The following BNC2 variants were observed in gnomAD, a reference collection of about 807,000 sequenced individuals.
BNC2 encodes the protein basonuclin zinc finger protein 2, also known as zinc finger protein basonuclin-2.
BNC2 carries 20 observed loss-of-function variants against 76.3 expected under a neutral mutation model. The ratio of observed to expected loss-of-function variants is 0.26; its 90% CI spans 0.18 to 0.38. The LOEUF (loss-of-function observed/expected upper bound fraction) is 0.38, where lower values mean the gene tolerates loss of function less well. Ranked by LOEUF, BNC2 falls within the 10% of genes least tolerant of loss-of-function variation. The probability of loss-of-function intolerance (pLI) is 1.00; values close to 1 mark genes in which losing one functional copy is unlikely to be tolerated. For synonymous variants in BNC2, 582 were observed against 514.8 expected, an observed-to-expected ratio of 1.13 and a Z score of -1.77; for missense variants, 1,382 against 1,399.8, an observed-to-expected ratio of 0.99 and a Z score of 0.20.
intron 3 of BNC2, among the ~76,000 whole-genome samples, chr9:16,656,711 C>G (rs1013963454): frequency 1.3e-5 from 2 of 152,100 alleles, no homozygotes; most frequent in African/African-American, 4.8e-5. Context: ...GAAGTACTGT[C>G]TTAACAAATT....
intron 1 of BNC2, among the ~76,000 whole-genome samples, chr9:16,866,599 G>A (rs1327966740): frequency 6.8e-6 from 1 of 146,316 alleles, no homozygotes; most frequent in East Asian, 2.1e-4. Context: ...AAAGGCAAAA[G>A]CCTAGAAAGC....
intron 3 of BNC2, among the ~76,000 whole-genome samples, chr9:16,693,161 G>A (rs1823229605): frequency 6.6e-6 from 1 of 151,440 alleles, no homozygotes; most frequent in South Asian, 2.1e-4. Flanking sequence ...ACTTCACTGG[G>A]GGATGAGGGG....
intron 1 of BNC2, among the ~76,000 whole-genome samples, chr9:16,842,953 T>C (rs894903908): frequency 2.6e-5 from 4 of 152,148 alleles, no homozygotes; most frequent in African/African-American, 4.8e-5. Flanking sequence ...AGTTTCGCCA[T>C]GTTGGCCAGG....
intron 5 of BNC2, among the ~76,000 whole-genome samples, chr9:16,550,213 G>C (rs1453847422): frequency 6.6e-6 from 1 of 152,100 alleles, no homozygotes; most frequent in Non-Finnish European, 1.5e-5. Flanking sequence ...GGCTCTGAAT[G>C]CGGCCCAACA....
chr9:16,561,954 G>A (rs190332700), intron 4 of BNC2, among the ~76,000 whole-genome samples: 10 of 152,198 alleles, frequency 6.6e-5, no homozygotes, highest in East Asian at 5.8e-4. Context: ...GCAGTGAGCC[G>A]TGACTGAGCC....
At chr9:16,492,816 CTAAA>C (rs1822306477) in intron 5 of BNC2, among the ~76,000 whole-genome samples, 1 of 151,238 alleles carries the variant, frequency 6.6e-6, no homozygotes, top group Admixed American at 6.6e-5. Flanking sequence ...AACACTGCTG[CTAAA>C]ATCTTTATGG....
intron 3 of BNC2, among the ~76,000 whole-genome samples, chr9:16,687,969 A>G (rs932462646): frequency 6.6e-6 from 1 of 152,218 alleles, no homozygotes; most frequent in Non-Finnish European, 1.5e-5. Context: ...TCATAATCAC[A>G]AAAAGGAACT....
At chr9:16,627,607 C>T (rs935779564) in intron 3 of BNC2, among the ~76,000 whole-genome samples, 7 of 152,140 alleles carry the variant, frequency 4.6e-5, no homozygotes, top group African/African-American at 1.7e-4. Context: ...TCCAGCCATA[C>T]AATTTGAGTC....
At chr9:16,759,975 G>A (rs942261314) in intron 1 of BNC2, among the ~76,000 whole-genome samples, 11 of 152,098 alleles carry the variant, frequency 7.2e-5, no homozygotes, top group African/African-American at 1.4e-4. Flanking sequence ...CGCCCACCTC[G>A]GCCTCCCAAA....
At chr9:16,870,206 T>G (rs1819645401) in intron 1 of BNC2, among the ~76,000 whole-genome samples, 2 of 151,730 alleles carry the variant, frequency 1.3e-5, no homozygotes, top group African/African-American at 4.8e-5. Context: ...CGGCAAGTTG[T>G]AAAAGTTCCC....
chr9:16,510,191 C>A (rs898306349), intron 5 of BNC2, among the ~76,000 whole-genome samples: 1 of 152,158 alleles, frequency 6.6e-6, no homozygotes, highest in Non-Finnish European at 1.5e-5. Context: ...GGCCTCAGTG[C>A]CCACTGTTCT....
intron 6 of BNC2, among the ~76,000 whole-genome samples, chr9:16,426,782 T>C (rs913630423): frequency 2.0e-5 from 3 of 152,172 alleles, no homozygotes; most frequent in Non-Finnish European, 2.9e-5. Context: ...TTTTTACTTT[T>C]TATTTGCACA....
At chr9:16,502,930 A>C (rs1456053404) in intron 5 of BNC2, among the ~76,000 whole-genome samples, 1 of 152,168 alleles carries the variant, frequency 6.6e-6, no homozygotes, top group African/African-American at 2.4e-5. Flanking sequence ...GAAGAGCTAC[A>C]ACAAGCGTAT....
chr9:16,420,703 T>TA lies in BNC2; in HGVS notation c.2640-1055_2640-1054insT, dbSNP rs1354142961. 5.0e-3 allele frequency among the ~76,000 whole-genome samples: 697 copies of TA among 138,786 alleles called. 2 individuals carry two copies. Among genetic ancestry groups the TA allele is most frequent in the Middle Eastern group, 0.021 (6 of 282 alleles). 91.0% of individuals were successfully genotyped at this position (138,786 alleles called of 152,430 possible). A position where few individuals can be genotyped will look rare whatever the true frequency, so the allele number is the denominator to read the frequency against. On this transcript the variant is annotated intron_variant, in intron 6 of 6. Coordinates refer to ENST00000380672, the MANE Select transcript of BNC2 (RefSeq NM_017637.6). ...TATACATACACATATACATATTTTTTTACATATATATATATAAAGACAGGA... is the reference window on the plus strand; with the variant it reads ...TATACATACACATATACATATTTTTTATACATATATATATATAAAGACAGGA...
intron 3 of BNC2, among the ~76,000 whole-genome samples, chr9:16,617,528 A>T (rs201590603): frequency 1.4e-3 from 5 of 3,526 alleles, no homozygotes; most frequent in Admixed American, 8.9e-3. Context: ...CAGATGGAGG[A>T]AAAAAAAAAA....
At chr9:16,591,208 T>C (rs1819921192) in intron 3 of BNC2, among the ~76,000 whole-genome samples, 1 of 152,208 alleles carries the variant, frequency 6.6e-6, no homozygotes, top group Non-Finnish European at 1.5e-5. Flanking sequence ...TTCTGCATTT[T>C]TTCTTGCACG....
At chr9:16,727,540 G>T in intron 3 of BNC2, 1 of 501,444 alleles carries the variant, frequency 2.0e-6, no homozygotes. Context: ...ATTGTACTGT[G>T]AAACTTTTCA....
chr9:16,776,149 AT>A lies in BNC2; in HGVS notation c.4-37665del, dbSNP rs539907470. On this transcript the variant is annotated intron_variant, in intron 1 of 6. Coordinates refer to ENST00000380672, the MANE Select transcript of BNC2 (RefSeq NM_017637.6). Reference sequence around the variant, plus strand: ...TACACACCATGATTTACTTATTCATATTTTTTTAAGAGGGAGTTTCGCTCTT... The same window carrying A: ...TACACACCATGATTTACTTATTCATATTTTTTAAGAGGGAGTTTCGCTCTT... 3.2e-4 allele frequency among the ~76,000 whole-genome samples: 48 copies of A among 152,068 alleles called. 1 individual carries two copies. Among genetic ancestry groups the A allele is most frequent in the African/African-American group, 1.1e-3 (46 of 41,466 alleles).
intron 3 of BNC2, among the ~76,000 whole-genome samples, chr9:16,715,983 C>T (rs1460193471): frequency 6.6e-6 from 1 of 152,172 alleles, no homozygotes; most frequent in Non-Finnish European, 1.5e-5. Context: ...AACTCATTTT[C>T]ATAATTAAAT....
Sources: gnomAD v4.1 joint callset for allele counts (sites outside exome capture counted in the v4.1 genomes callset) on GRCh38, gnomAD v4.1.1 for gene constraint, MANE v1.5 for transcripts, NCBI Gene and HGNC (gene_info 2026-07-23, HGNC 2026-07-21) for gene names.